TTLL5: variants seen among roughly 807,000 people sequenced by gnomAD.
The protein encoded by TTLL5 is tubulin polyglutamylase TTLL5.
Under a neutral mutation model 168.4 loss-of-function variants are expected in TTLL5, and 132 were observed. The observed-to-expected ratio is 0.78, with a 90% CI of 0.68 to 0.91. The LOEUF is 0.91. TTLL5 is among the 40% of genes least tolerant of loss of function. The pLI, the probability that TTLL5 is intolerant of heterozygous loss-of-function variation, is 0.00. For missense variants in TTLL5, 1,545 were observed against 1,581.5 expected (o/e 0.98, Z 0.39); for synonymous variants, 546 against 558.6 (o/e 0.98, Z 0.32).
chr14:75,898,233 A>C (rs1404077513), intron 30 of TTLL5, among the ~76,000 whole-genome samples: 2 of 152,186 alleles, frequency 1.3e-5, no homozygotes, highest in African/African-American at 4.8e-5. Context: ...ATTCCAATTG[A>C]TTTTACACTT....
At chr14:75,718,007 A>G in intron 10 of TTLL5, 45 bp downstream of exon 10, 1 of 1,569,062 alleles carries the variant, frequency 6.4e-7, no homozygotes, top group Non-Finnish European at 8.7e-7. Flanking sequence ...TCAGTCTCAG[A>G]TGTGGGTGTT....
chr14:75,856,049 T>C (rs1243311736), intron 28 of TTLL5, among the ~76,000 whole-genome samples: 1 of 152,130 alleles, frequency 6.6e-6, no homozygotes, highest in Non-Finnish European at 1.5e-5. Flanking sequence ...TAAAGGAAAA[T>C]ATGCTTTAAT....
chr14:75,704,192 T>C (rs548586933), intron 7 of TTLL5, among the ~76,000 whole-genome samples: 14 of 152,198 alleles, frequency 9.2e-5, no homozygotes, highest in Non-Finnish European at 2.1e-4. Flanking sequence ...ATCATTCTCC[T>C]TTACAATGAC....
chr14:75,773,944 AGAGAGAGAGAGAAAGAGAG>A (rs1891521024), intron 21 of TTLL5, among the ~76,000 whole-genome samples: 1 of 42,664 alleles, frequency 2.3e-5, no homozygotes, highest in South Asian at 1.1e-3. Context: ...AGAGAGAGAG[AGAGAGAGAGAGAAAGAGAG>A]AGAGAGAGAG....
chr14:75,695,261 G>A (rs968335974), intron 6 of TTLL5, among the ~76,000 whole-genome samples: 13 of 152,170 alleles, frequency 8.5e-5, no homozygotes, highest in South Asian at 8.3e-4. Context: ...CTCCCGTCGC[G>A]CTCCCAGGCC....
chr14:75,866,845 TC>T (rs1290590658), intron 29 of TTLL5, among the ~76,000 whole-genome samples: 10 of 152,186 alleles, frequency 6.6e-5, no homozygotes, highest in African/African-American at 2.4e-4. Flanking sequence ...AAAAGACTGA[TC>T]CTGTGACATG....
intron 14 of TTLL5, 148 bp from the exon 15 acceptor site, chr14:75,735,047 G>C: frequency 5.9e-6 from 4 of 683,068 alleles, no homozygotes; most frequent in Middle Eastern, 2.5e-4. Flanking sequence ...GGTGTGTGTG[G>C]GAGAGTTGTG....
rs1566611960 is a variant in TTLL5 at position 75,805,639 on chromosome 14, CT to C, written c.3171+12540del. Among the ~76,000 whole-genome samples the C allele has an allele frequency of 2.0e-5, 3 of 152,314 alleles. No homozygotes were observed. In the South Asian group the frequency reaches 6.2e-4, roughly 32 times the overall value. On this transcript the variant is annotated intron_variant, in intron 27 of 31. Coordinates refer to ENST00000298832, the MANE Select transcript of TTLL5 (RefSeq NM_015072.5). ...CCACCTGTGAGACATTTCTACCTAA[CT>C]ATATTGCAGAACATTCAAAATACTT...
chr14:75,854,546 C>G (rs1264445207), intron 28 of TTLL5, among the ~76,000 whole-genome samples: 1 of 152,098 alleles, frequency 6.6e-6, no homozygotes, highest in Non-Finnish European at 1.5e-5. Context: ...GTAGAATTGT[C>G]CTGTCGTGTA....
chr14:75,688,675 G>A (rs934043808), intron 5 of TTLL5, among the ~76,000 whole-genome samples: 9 of 152,226 alleles, frequency 5.9e-5, no homozygotes, highest in East Asian at 5.8e-4. Flanking sequence ...ACACTATCTC[G>A]AGGTAGGTAG....
chr14:75,707,683 ATCTC>A lies in TTLL5; in HGVS notation c.718_721del (p.Leu240MetfsTer27). ...ACTTCCTATGATCCTCTTGTCATCT[ATCTC>A]TATGAAGAAGGATTGGCTAGGTAAG... is the stretch of plus-strand genomic sequence containing the variant. On this transcript the variant is annotated frameshift_variant, in exon 9 of 32. Coordinates refer to ENST00000298832, the MANE Select transcript of TTLL5 (RefSeq NM_015072.5). LOFTEE classifies it high-confidence loss of function. 6.2e-7 allele frequency: 1 copy of A among 1,610,742 alleles called. No homozygotes were observed. The highest frequency in any genetic ancestry group is 8.5e-7 in the Non-Finnish European group (1 of 1,178,398).
At chr14:75,765,341 G>A (rs998463033) in intron 19 of TTLL5, among the ~76,000 whole-genome samples, 2 of 152,092 alleles carry the variant, frequency 1.3e-5, no homozygotes, top group Non-Finnish European at 2.9e-5. Flanking sequence ...AACTTACAAG[G>A]CGATAGAGAA....
intron 30 of TTLL5, among the ~76,000 whole-genome samples, chr14:75,898,931 A>C (rs1373885271): frequency 6.6e-6 from 1 of 152,206 alleles, no homozygotes. Flanking sequence ...CCAGGTTCAG[A>C]ATGCCTATGG....
chr14:75,794,876 G>A (rs1012422455), intron 27 of TTLL5, among the ~76,000 whole-genome samples: 18 of 152,054 alleles, frequency 1.2e-4, no homozygotes, highest in African/African-American at 3.4e-4. Flanking sequence ...ACTGACTCCT[G>A]TATGATCTTT....
chr14:75,753,317 A>G (rs1173291669), intron 18 of TTLL5, among the ~76,000 whole-genome samples: 1 of 152,212 alleles, frequency 6.6e-6, no homozygotes, highest in African/African-American at 2.4e-5. Context: ...GAATTATCAG[A>G]TTGGAAAAAG....
rs762742540 is a variant in TTLL5 at position 75,775,557 on chromosome 14, G to A, written c.2210G>A (p.Arg737Gln). Reference sequence around the variant, plus strand: ...TCACTGAGGATGGTATTACCCAGTCGACGATTGGCACTTCTGGAACGCAGA... The same window carrying A: ...TCACTGAGGATGGTATTACCCAGTCAACGATTGGCACTTCTGGAACGCAGA... Reference protein sequence around the residue: ...QHSLRMVLPSRRLALLERRRI... With the variant: ...QHSLRMVLPSQRLALLERRRI... The change falls in exon 22 of 32, where the codon CGA becomes CAA. Residue 737 changes from arginine to glutamine, a missense_variant. Coordinates refer to ENST00000298832, the MANE Select transcript of TTLL5 (RefSeq NM_015072.5). 21 of 1,613,926 alleles carry A rather than the reference G, an allele frequency of 1.3e-5. No homozygotes were observed. Among genetic ancestry groups the A allele is most frequent in the African/African-American group, 1.1e-4 (8 of 74,864 alleles).
At chr14:75,793,155 G>C (rs1456144559) in intron 27 of TTLL5, 55 bp downstream of exon 27, 23 of 1,442,704 alleles carry the variant, frequency 1.6e-5, no homozygotes, top group Middle Eastern at 2.0e-4. Flanking sequence ...TAGAATTAAT[G>C]ACAGGGTACT....
At chr14:75,685,212 G>A (rs1161341532) in intron 5 of TTLL5, among the ~76,000 whole-genome samples, 1 of 151,478 alleles carries the variant, frequency 6.6e-6, no homozygotes, top group East Asian at 1.9e-4. Flanking sequence ...GCAAAACCCC[G>A]GCTCTAAAAA....
At chr14:75,775,042 T>A (rs1002138944) in intron 21 of TTLL5, among the ~76,000 whole-genome samples, 5 of 151,322 alleles carry the variant, frequency 3.3e-5, no homozygotes, top group Non-Finnish European at 7.4e-5. Flanking sequence ...TTTTTTTTTT[T>A]CCTGATACTT....
Sources: allele counts gnomAD v4.1 joint callset (sites outside exome capture counted in the v4.1 genomes callset), GRCh38; gene constraint gnomAD v4.1.1; transcripts MANE v1.5; gene names NCBI Gene and HGNC (gene_info 2026-07-23, HGNC 2026-07-21).